SMIM35: variants seen among roughly 807,000 people sequenced by gnomAD.
SMIM35 encodes small integral membrane protein 35.
At chr11:118,072,326 T>C (rs1465613427) in intron 1 of SMIM35, among the ~76,000 whole-genome samples, 1 of 152,018 alleles carries the variant, frequency 6.6e-6, no homozygotes, top group African/African-American at 2.4e-5. Context: ...CCGTCTCTAC[T>C]AAAAGAAAAA....
At position 118,006,145 on chromosome 11, in the gene SMIM35, C is replaced by T. The variant is rs2031558201; in HGVS notation, c.*265G>A. 1 of 152,322 alleles carries T rather than the reference C, an allele frequency of 6.6e-6. No homozygotes were observed. 9.4% of individuals were successfully genotyped at this position (152,322 alleles called of 1,614,324 possible). A position where few individuals can be genotyped will look rare whatever the true frequency, so the allele number is the denominator to read the frequency against. On this transcript the variant is annotated 3_prime_UTR_variant, in exon 5 of 5. Coordinates refer to ENST00000689828, the MANE Select transcript of SMIM35 (RefSeq NM_001394165.1). The stretch of plus-strand genomic sequence containing the variant: ...TTGAAAGAATTGAAAGACTCACTGA[C>T]TCCACTTCCAACTGCTTCTGCAGCA...
intron 1 of SMIM35, among the ~76,000 whole-genome samples, chr11:118,085,139 A>G (rs894516270): frequency 3.3e-5 from 5 of 152,070 alleles, no homozygotes; most frequent in Non-Finnish European, 7.4e-5. Flanking sequence ...TTGTACCCAC[A>G]TTCCAAAGAA....
At chr11:118,069,147 G>C (rs1944532593) in intron 1 of SMIM35, among the ~76,000 whole-genome samples, 1 of 152,162 alleles carries the variant, frequency 6.6e-6, no homozygotes, top group African/African-American at 2.4e-5. Context: ...CCTGTGCTCT[G>C]GGTCTGCCTG....
At chr11:118,076,619 G>C (rs981415716) in intron 1 of SMIM35, among the ~76,000 whole-genome samples, 4 of 152,100 alleles carry the variant, frequency 2.6e-5, no homozygotes, top group African/African-American at 9.7e-5. Flanking sequence ...TCACTTCTGG[G>C]ATCCAGGGAA....
At chr11:118,085,245 A>G (rs1945458480) in intron 1 of SMIM35, among the ~76,000 whole-genome samples, 1 of 122,152 alleles carries the variant, frequency 8.2e-6, no homozygotes, top group Non-Finnish European at 1.7e-5. Context: ...TTTTTTTGAG[A>G]CAGAGTCTAA....
At chr11:118,075,631 G>GTT (rs1565400520) in intron 1 of SMIM35, among the ~76,000 whole-genome samples, 10 of 151,586 alleles carry the variant, frequency 6.6e-5, no homozygotes, top group Admixed American at 6.6e-5. Context: ...AAAATATTGG[G>GTT]GTTGTTGTTG....
chr11:118,080,087 T>A (rs1245773967), intron 1 of SMIM35, among the ~76,000 whole-genome samples: 1 of 152,070 alleles, frequency 6.6e-6, no homozygotes, highest in African/African-American at 2.4e-5. Context: ...GGGCTGGGGA[T>A]TGGGAGGACC....
At chr11:118,061,142 C>A (rs1944389258) in intron 1 of SMIM35, among the ~76,000 whole-genome samples, 1 of 152,224 alleles carries the variant, frequency 6.6e-6, no homozygotes, top group Non-Finnish European at 1.5e-5. Context: ...ACACATGACA[C>A]CCACAGTGGG....
chr11:118,037,823 A>G (rs1157108691), intron 1 of SMIM35, among the ~76,000 whole-genome samples: 2 of 152,098 alleles, frequency 1.3e-5, no homozygotes, highest in African/African-American at 4.8e-5. Context: ...AAGAATGGGT[A>G]CTCTTTCATT....
intron 1 of SMIM35, among the ~76,000 whole-genome samples, chr11:118,043,473 T>A (rs1425658645): frequency 1.3e-5 from 2 of 152,092 alleles, no homozygotes; most frequent in Non-Finnish European, 2.9e-5. Flanking sequence ...ATGATTCTAT[T>A]TATACAAAAT....
At chr11:118,067,047 C>T (rs1388315635) in intron 1 of SMIM35, among the ~76,000 whole-genome samples, 1 of 151,982 alleles carries the variant, frequency 6.6e-6, no homozygotes, top group Non-Finnish European at 1.5e-5. Flanking sequence ...ATACCTTGTC[C>T]ATTGTGTGAG....
chr11:118,050,931 T>C (rs761735298), intron 1 of SMIM35, among the ~76,000 whole-genome samples: 8 of 152,212 alleles, frequency 5.3e-5, no homozygotes, highest in Non-Finnish European at 8.8e-5. Flanking sequence ...CCACCCTATC[T>C]GCAGAAGAGC....
At chr11:118,059,704 C>T (rs1944368316) in intron 1 of SMIM35, among the ~76,000 whole-genome samples, 1 of 152,164 alleles carries the variant, frequency 6.6e-6, no homozygotes, top group African/African-American at 2.4e-5. Context: ...GCTCTACCTC[C>T]ATTCATTTGC....
intron 1 of SMIM35, chr11:118,067,201 C>T (rs535875247): frequency 6.6e-6 from 1 of 152,320 alleles, no homozygotes; most frequent in Admixed American, 6.5e-5. Flanking sequence ...CAAGTGCAGA[C>T]ACGAGGCCAA....
intron 1 of SMIM35, among the ~76,000 whole-genome samples, chr11:118,036,045 G>A (rs566858746): frequency 1.3e-5 from 2 of 152,108 alleles, no homozygotes; most frequent in Admixed American, 6.5e-5. Context: ...CTGCCACCAT[G>A]CCTGGCTAAT....
chr11:118,016,030 A>G (rs1284940333), intron 1 of SMIM35, among the ~76,000 whole-genome samples: 1 of 152,214 alleles, frequency 6.6e-6, no homozygotes, highest in Non-Finnish European at 1.5e-5. Context: ...TGTTAATCCA[A>G]AGGAATAGTC....
rs763571408 is a variant in SMIM35, at chr11:118,003,986, G to C, written c.*2424C>G. On this transcript the variant is annotated 3_prime_UTR_variant, in exon 5 of 5. Coordinates refer to ENST00000689828, the MANE Select transcript of SMIM35 (RefSeq NM_001394165.1). ...CAGACATTTATCTCTCACAGTTCTG[G>C]AGGTGGGGAAGTGCAGGATCAAGGT... The C allele has an allele frequency of 3.3e-5, 5 of 152,302 alleles. No individual in the cohort carries two copies. Among genetic ancestry groups the C allele is most frequent in the Non-Finnish European group, 7.3e-5 (5 of 68,118 alleles). The allele number at this position is 152,302 out of a possible 1,614,324, so 9.4% of individuals were successfully genotyped here. A position where few individuals can be genotyped will look rare whatever the true frequency, so the allele number is the denominator to read the frequency against.
chr11:118,054,191 TTTTGTTTG>T (rs556549375), intron 1 of SMIM35, among the ~76,000 whole-genome samples: 1 of 152,058 alleles, frequency 6.6e-6, no homozygotes, highest in African/African-American at 2.4e-5. Context: ...GTTCTTGTTT[TTTTGTTTG>T]TTTGTTTGCT....
intron 1 of SMIM35, among the ~76,000 whole-genome samples, chr11:118,069,122 G>A (rs954935341): frequency 5.3e-5 from 8 of 152,158 alleles, no homozygotes; most frequent in Non-Finnish European, 7.4e-5. Context: ...CAGCACCCCA[G>A]CATCCCACAC....
Sources: allele counts gnomAD v4.1 joint callset (sites outside exome capture counted in the v4.1 genomes callset), GRCh38; gene constraint gnomAD v4.1.1; transcripts MANE v1.5; gene names NCBI Gene and HGNC (gene_info 2026-07-23, HGNC 2026-07-21).